PI16: variants seen among roughly 807,000 people sequenced by gnomAD.
PI16 encodes the protein peptidase inhibitor 16.
In PI16, 35 loss-of-function variants were observed where a neutral mutation model predicts 38.0. That is an observed-to-expected ratio of 0.92 (90% CI 0.70 to 1.22). PI16 has a LOEUF of 1.22. PI16 is among the 50% of genes most tolerant of loss of function. PI16 has a pLI of 0.00. For missense variants in PI16, 572 were observed against 593.8 expected (o/e 0.96, Z 0.38); for synonymous variants, 275 against 252.9 (o/e 1.09, Z -0.83).
intron 1 of PI16, among the ~76,000 whole-genome samples, chr6:36,948,942 G>A (rs1192538471): frequency 1.7e-4 from 25 of 150,640 alleles, no homozygotes; most frequent in Admixed American, 1.3e-3. Flanking sequence ...CTACAGGCGT[G>A]TGCCACTACG....
At chr6:36,963,767 C>T (rs1763438613) in intron 5 of PI16, 56 bp from the exon 6 acceptor site, 5 of 1,534,822 alleles carry the variant, frequency 3.3e-6, no homozygotes, top group Admixed American at 2.1e-5. Flanking sequence ...GTGGGGTGGG[C>T]GGGACATCAG....
intron 6 of PI16, among the ~76,000 whole-genome samples, 168 bp from the exon 7 acceptor site, chr6:36,964,218 G>C (rs6901560): frequency 0.18 from 27,816 of 152,186 alleles, 2,768 homozygotes; most frequent in Admixed American, 0.24. Flanking sequence ...GTTCTGAGCG[G>C]TATTTACATG....
At chr6:36,958,650 T>TG (rs1763266675) in intron 1 of PI16, among the ~76,000 whole-genome samples, 1 of 144,920 alleles carries the variant, frequency 6.9e-6, no homozygotes, top group African/African-American at 2.6e-5. Context: ...AAGGGGAGGG[T>TG]GGGGGCTTAG....
chr6:36,949,675 C>T lies in PI16; in HGVS notation c.-82+1271C>T, dbSNP rs188252775. The stretch of plus-strand genomic sequence containing the variant: ...CCGATTCTTTTCCACATCTTGTTCC[C>T]CTCTACCCCCTAAGTCTTCCTTCTC... On this transcript the variant is annotated intron_variant, in intron 1 of 7. Transcript: ENST00000611814. Among the ~76,000 whole-genome samples the T allele has an allele frequency of 2.5e-3, 385 of 152,284 alleles. 1 individual carries two copies. The highest frequency in any genetic ancestry group is 4.1e-3 in the Non-Finnish European group (278 of 68,014).
upstream of PI16, among the ~76,000 whole-genome samples, chr6:36,951,924 A>C (rs1763106924): frequency 6.6e-6 from 1 of 152,036 alleles, no homozygotes; most frequent in Non-Finnish European, 1.5e-5. Flanking sequence ...AAACCCACAA[A>C]ATATATATCC....
upstream of PI16, among the ~76,000 whole-genome samples, chr6:36,950,391 AAAATAATAGTCC>A (rs777883866): frequency 6.6e-6 from 1 of 152,230 alleles, no homozygotes; most frequent in Non-Finnish European, 1.5e-5. The surrounding 1 kb of genome is among the most constrained non-coding windows in gnomAD (Gnocchi z 4.2). Flanking sequence ...TTTTTAAGGC[AAAATAATAGTCC>A]ATTGTATATG....
chr6:36,961,272 C>T (rs143412579), intron 2 of PI16, among the ~76,000 whole-genome samples, 179 bp from the exon 3 acceptor site: 1 of 152,258 alleles, frequency 6.6e-6, no homozygotes, highest in African/African-American at 2.4e-5. Context: ...GGGACAAACT[C>T]CCCCATCCCT....
At position 36,961,531 on chromosome 6, in the gene PI16, C is replaced by T. The variant is rs573516142; in HGVS notation, c.474C>T (p.Ile158=). ...EKLQGVEETN[I]ELLVCNYEPP... is the part of the protein sequence containing the mutation. The stretch of plus-strand genomic sequence containing the variant: ...TCCAGGGTGTTGAGGAGACCAACAT[C>T]GAATTACTGGTGTGCAACTATGAGC... The change falls in exon 3 of 7, where the codon ATC becomes ATT. Residue 158 remains isoleucine, a synonymous_variant. Coordinates refer to ENST00000373674, the MANE Select transcript of PI16 (RefSeq NM_153370.3). 1.9e-6 allele frequency: 3 copies of T among 1,613,992 alleles called. No homozygotes were observed. The highest frequency in any genetic ancestry group is 1.7e-5 in the Admixed American group (1 of 60,012).
chr6:36,964,004 G>C, intron 6 of PI16, 42 bp downstream of exon 6: 1 of 1,564,516 alleles, frequency 6.4e-7, no homozygotes. Context: ...TACCCACCTG[G>C]ATTGTCTTCC....
chr6:36,954,777 G>A lies in PI16; in HGVS notation c.17G>A (p.Ser6Asn). Reference sequence around the variant, plus strand: ...CTGGCCACCATGCACGGCTCCTGCAGTTTCCTGATGCTTCTGCTGCCGCTA... The same window carrying A: ...CTGGCCACCATGCACGGCTCCTGCAATTTCCTGATGCTTCTGCTGCCGCTA... MHGSC[S>N]FLMLLLPLLL... The change falls in exon 1 of 7, where the codon AGT becomes AAT. Residue 6 changes from serine to asparagine, a missense_variant. Coordinates refer to ENST00000373674, the MANE Select transcript of PI16 (RefSeq NM_153370.3). 6.2e-7 allele frequency: 1 copy of A among 1,613,426 alleles called. No homozygotes were observed. The highest frequency in any genetic ancestry group is 8.5e-7 in the Non-Finnish European group (1 of 1,179,846).
chr6:36,961,689 G>A (rs927308925), intron 3 of PI16, 129 bp downstream of exon 3: 3 of 935,766 alleles, frequency 3.2e-6, no homozygotes, highest in Non-Finnish European at 5.1e-6. Context: ...ACTGTCCAGG[G>A]AGCTGTGAAG....
upstream of PI16, among the ~76,000 whole-genome samples, chr6:36,951,885 C>A (rs554690028): frequency 6.6e-6 from 1 of 151,880 alleles, no homozygotes; most frequent in Admixed American, 6.6e-5. Context: ...GGTGACAGAG[C>A]GAGACCCTGT....
chr6:36,954,469 T>C (rs924575749), upstream of PI16: 7 of 343,868 alleles, frequency 2.0e-5, no homozygotes, highest in Non-Finnish European at 3.7e-5. Flanking sequence ...CAGAGGTTAC[T>C]GTGATTTTGC....
Position 36,963,398 on chromosome 6 carries a change from T to C in PI16, c.1056T>C (p.His352=). The C allele has an allele frequency of 3.7e-6, 6 of 1,614,180 alleles. No individual in the cohort carries two copies. Among genetic ancestry groups the C allele is most frequent in the Non-Finnish European group, 5.1e-6 (6 of 1,180,016 alleles). The part of the protein sequence containing the change: ...SLTGARELLP[H]AQEEAEAEAE... ...CAGGGGCAAGGGAACTCCTACCCCA[T>C]GCCCAGGAGGAGGCTGAGGCTGAGG... is the stretch of plus-strand genomic sequence containing the variant. The change falls in exon 5 of 7, where the codon CAT becomes CAC. Residue 352 remains histidine (H), a synonymous_variant. Coordinates refer to ENST00000373674, the MANE Select transcript of PI16 (RefSeq NM_153370.3).
intron 3 of PI16, 94 bp downstream of exon 3, chr6:36,961,654 A>C (rs1763369496): frequency 8.6e-7 from 1 of 1,161,680 alleles, no homozygotes; most frequent in Non-Finnish European, 1.3e-6. Context: ...AGGGAGTGGG[A>C]GGAGAGGGGT....
rs199875004 is a variant in PI16 at position 36,963,192 on chromosome 6, G to T, written c.850G>T (p.Val284Leu). The T allele has an allele frequency of 5.6e-6, 9 of 1,614,232 alleles. No homozygotes were observed. Among genetic ancestry groups the T allele is most frequent in the South Asian group, 1.1e-5 (1 of 91,092 alleles). ...PSMATEAPPC[V>L]TTEVPSILAA... ...CATGGCAACAGAGGCTCCACCTTGC[G>T]TAACAACTGAGGTCCCTTCCATTTT... Residue 284 changes from valine to leucine, a missense_variant, in exon 5 of 7, where the codon GTA (valine) becomes TTA (leucine). Val to Leu is a conservative substitution (Grantham distance 32). Transcript: ENST00000373674.
At chr6:36,949,079 C>T (rs1487517430) in intron 1 of PI16, among the ~76,000 whole-genome samples, 1 of 151,884 alleles carries the variant, frequency 6.6e-6, no homozygotes, top group Non-Finnish European at 1.5e-5. Context: ...AGCCACCGCA[C>T]CCAGCCTTAT....
At chr6:36,957,458 G>A (rs1189776198) in intron 1 of PI16, among the ~76,000 whole-genome samples, 1 of 152,134 alleles carries the variant, frequency 6.6e-6, no homozygotes, top group East Asian at 1.9e-4. Flanking sequence ...CATTTACCAT[G>A]TGGTGGCCCA....
At chr6:36,961,635 C>A in intron 3 of PI16, 75 bp downstream of exon 3, 1 of 1,390,180 alleles carries the variant, frequency 7.2e-7, no homozygotes, top group Non-Finnish European at 1.0e-6. Flanking sequence ...CAGAGTCGGC[C>A]ACAGCCTGAG....
Sources: allele counts gnomAD v4.1 joint callset (sites outside exome capture counted in the v4.1 genomes callset), GRCh38; gene constraint gnomAD v4.1.1; non-coding constraint Gnocchi (gnomAD v3.1); transcripts MANE v1.5; gene names NCBI Gene and HGNC (gene_info 2026-07-23, HGNC 2026-07-21).